The following PRR16 variants were observed in gnomAD, a reference collection of about 807,000 sequenced individuals.
PRR16 encodes proline rich 16.
Under a neutral mutation model 18.2 loss-of-function variants are expected in PRR16, and 6 were observed. The observed-to-expected ratio is 0.33, with a 90% CI of 0.18 to 0.65. The LOEUF (loss-of-function observed/expected upper bound fraction) is 0.65, where lower values mean the gene tolerates loss of function less well. Ranked by LOEUF, PRR16 falls within the 30% of genes least tolerant of loss-of-function variation. PRR16 has a pLI of 0.74. For synonymous variants in PRR16, 151 were observed against 147.8 expected, an observed-to-expected ratio of 1.02 and a Z score of -0.16; for missense variants, 412 against 376.6, an observed-to-expected ratio of 1.09 and a Z score of -0.78.
At chr5:120,777,794 T>C in the PRR16 span, among the ~76,000 whole-genome samples, 1 of 152,128 alleles carries the variant, frequency 6.6e-6, no homozygotes, top group African/African-American at 2.4e-5. Flanking sequence ...TTAAAGTCAG[T>C]GCTGATTGAT....
intron 1 of PRR16, among the ~76,000 whole-genome samples, chr5:120,635,238 A>G (rs1239916930): frequency 6.6e-6 from 1 of 152,184 alleles, no homozygotes; most frequent in East Asian, 1.9e-4. Flanking sequence ...AAGATAGAGA[A>G]TGAGAGAATC....
chr5:120,471,593 T>C (rs1033669374), intron 1 of PRR16, among the ~76,000 whole-genome samples: 23 of 152,146 alleles, frequency 1.5e-4, no homozygotes, highest in African/African-American at 5.1e-4. Flanking sequence ...GTATTAACTT[T>C]AGTGCTATCG....
At chr5:120,664,149 A>G (rs984980474) in intron 1 of PRR16, among the ~76,000 whole-genome samples, 5 of 152,028 alleles carry the variant, frequency 3.3e-5, no homozygotes, top group Non-Finnish European at 5.9e-5. Flanking sequence ...AAATACAAAA[A>G]TTAGCTGGGT....
At chr5:120,685,440 A>G (rs989709606) in intron 1 of PRR16, among the ~76,000 whole-genome samples, 1 of 152,072 alleles carries the variant, frequency 6.6e-6, no homozygotes, top group Non-Finnish European at 1.5e-5. Context: ...TGAACAGTTG[A>G]TGTTTTCTGT....
chr5:120,601,868 G>T (rs1159495594), intron 1 of PRR16, among the ~76,000 whole-genome samples: 3 of 151,812 alleles, frequency 2.0e-5, no homozygotes, highest in Non-Finnish European at 4.4e-5. Flanking sequence ...AAGGTCAGAT[G>T]GTTATAGATG....
chr5:120,737,001 AT>A, the PRR16 span, among the ~76,000 whole-genome samples: 1 of 152,138 alleles, frequency 6.6e-6, no homozygotes, highest in Non-Finnish European at 1.5e-5. Flanking sequence ...TGTGAGAGAG[AT>A]CTTTAGAGTG....
At chr5:120,792,557 A>G in the PRR16 span, among the ~76,000 whole-genome samples, 3 of 152,156 alleles carry the variant, frequency 2.0e-5, no homozygotes, top group Admixed American at 1.3e-4. Flanking sequence ...CGAAATGCCA[A>G]TGTAGATAAT....
chr5:120,498,714 C>T (rs1002876316), intron 1 of PRR16, among the ~76,000 whole-genome samples: 2 of 151,406 alleles, frequency 1.3e-5, no homozygotes, highest in Non-Finnish European at 2.9e-5. Context: ...GTGACCAGTT[C>T]TCTTATTTTT....
Position 120,686,223 on chromosome 5 carries a change from T to G in PRR16, c.429T>G (p.Thr143=). Residue 143 remains threonine (T), a synonymous_variant, in exon 2 of 2, where the codon ACT becomes ACG. Transcript: ENST00000407149. ...AAGACCCCAAAAGGGTGGTTCCAAC[T>G]GCCAATCCTGTAAAAACCAATGGCA... The part of the protein sequence containing the change: ...KCEDPKRVVP[T]ANPVKTNGTL... 1 of 1,614,142 alleles carries G rather than the reference T, an allele frequency of 6.2e-7. No homozygotes were observed. Among genetic ancestry groups the G allele is most frequent in the Non-Finnish European group, 8.5e-7 (1 of 1,180,030 alleles).
chr5:120,520,194 G>A (rs1277124618), intron 1 of PRR16, among the ~76,000 whole-genome samples: 1 of 152,074 alleles, frequency 6.6e-6, no homozygotes, highest in Non-Finnish European at 1.5e-5. Context: ...TCAGGCGTTC[G>A]AGACCAGTCT....
At chr5:120,725,302 GTT>G in the PRR16 span, among the ~76,000 whole-genome samples, 2,229 of 136,106 alleles carry the variant, frequency 0.016, 54 homozygotes, top group African/African-American at 0.053. Context: ...ATTTGATGTT[GTT>G]TTTTTTTTTT....
At chr5:120,779,967 A>G in the PRR16 span, among the ~76,000 whole-genome samples, 1 of 152,110 alleles carries the variant, frequency 6.6e-6, no homozygotes, top group Admixed American at 6.6e-5. Flanking sequence ...TTGACTGTTT[A>G]TGTCTCTTTA....
chr5:120,564,849 G>T (rs891892933), intron 1 of PRR16, among the ~76,000 whole-genome samples: 1 of 152,068 alleles, frequency 6.6e-6, no homozygotes, highest in African/African-American at 2.4e-5. Flanking sequence ...AGCCAGGTGT[G>T]GTGGCGGGCG....
the PRR16 span, among the ~76,000 whole-genome samples, chr5:120,715,636 A>G: frequency 6.6e-6 from 1 of 152,208 alleles, no homozygotes; most frequent in African/African-American, 2.4e-5. Context: ...GCCCTATAAT[A>G]GCCTGATTAT....
intron 1 of PRR16, among the ~76,000 whole-genome samples, chr5:120,642,513 T>TA (rs1253228049): frequency 2.0e-5 from 3 of 152,002 alleles, no homozygotes; most frequent in Admixed American, 1.3e-4. Context: ...CTGATCTGTA[T>TA]AAAAAAATGT....
intron 1 of PRR16, among the ~76,000 whole-genome samples, chr5:120,564,075 A>G (rs1197690044): frequency 1.3e-5 from 2 of 152,078 alleles, no homozygotes; most frequent in Non-Finnish European, 2.9e-5. Context: ...TAGGAGCCCT[A>G]CGACTCTGTT....
At chr5:120,533,343 C>T (rs1243842089) in intron 1 of PRR16, among the ~76,000 whole-genome samples, 1 of 152,118 alleles carries the variant, frequency 6.6e-6, no homozygotes, top group Non-Finnish European at 1.5e-5. Context: ...ACGATTCTAG[C>T]TCTGTTGGAG....
chr5:120,674,426 T>C (rs573254950), intron 1 of PRR16, among the ~76,000 whole-genome samples: 2 of 152,318 alleles, frequency 1.3e-5, no homozygotes, highest in Non-Finnish European at 2.9e-5. Context: ...AATATTTTAA[T>C]TTACTTTTAC....
chr5:120,518,196 A>C (rs1751059259), intron 1 of PRR16, among the ~76,000 whole-genome samples: 1 of 152,194 alleles, frequency 6.6e-6, no homozygotes, highest in Admixed American at 6.6e-5. Flanking sequence ...AAATGAGGTA[A>C]TGTATAAAGA....
Sources: gnomAD v4.1 joint callset for allele counts (sites outside exome capture counted in the v4.1 genomes callset) on GRCh38, gnomAD v4.1.1 for gene constraint, MANE v1.5 for transcripts, NCBI Gene and HGNC (gene_info 2026-07-23, HGNC 2026-07-21) for gene names.